Variants in ITPR1 observed in about 807,000 individuals in gnomAD.
The protein encoded by ITPR1 is inositol 1,4,5-trisphosphate-gated calcium channel ITPR1.
In ITPR1, 96 loss-of-function variants were observed where a neutral mutation model predicts 318.4. The ratio of observed to expected loss-of-function variants is 0.30; its 90% CI spans 0.26 to 0.36. The LOEUF is 0.36. Ranked by LOEUF, ITPR1 falls within the 10% of genes least tolerant of loss-of-function variation. The pLI, the probability that ITPR1 is intolerant of heterozygous loss-of-function variation, is 1.00. For synonymous variants in ITPR1, 1,312 were observed against 1,289.9 expected, an observed-to-expected ratio of 1.02 and a Z score of -0.37; for missense variants, 2,440 against 3,460.2, an observed-to-expected ratio of 0.71 and a Z score of 7.40.
intron 26 of ITPR1, among the ~76,000 whole-genome samples, chr3:4,682,639 CT>C (rs909646780): frequency 1.4e-4 from 21 of 152,184 alleles, no homozygotes; most frequent in African/African-American, 4.8e-4. Context: ...GTTCCATGTG[CT>C]GTGTGATCAC....
intron 13 of ITPR1, among the ~76,000 whole-genome samples, chr3:4,659,499 C>T (rs2093786628): frequency 6.6e-6 from 1 of 151,984 alleles, no homozygotes; most frequent in African/African-American, 2.4e-5. Flanking sequence ...AGCTGGACAA[C>T]ATGACAAAAC....
chr3:4,742,396 G>C (rs2043771882), intron 44 of ITPR1, among the ~76,000 whole-genome samples: 1 of 152,182 alleles, frequency 6.6e-6, no homozygotes, highest in Non-Finnish European at 1.5e-5. Context: ...TGATTCTGTG[G>C]TGTGGGTACA....
chr3:4,666,892 T>A (rs1391049366), intron 17 of ITPR1, among the ~76,000 whole-genome samples: 1 of 152,204 alleles, frequency 6.6e-6, no homozygotes, highest in African/African-American at 2.4e-5. Context: ...CTGACCTTCT[T>A]ATGCTACTCA....
chr3:4,725,450 C>A (rs1027705243), intron 40 of ITPR1, 96 bp from the exon 41 acceptor site: 13 of 1,011,928 alleles, frequency 1.3e-5, no homozygotes, highest in Non-Finnish European at 1.8e-5. Context: ...GATCCTTCCT[C>A]CTGTGTTTTG....
intron 44 of ITPR1, among the ~76,000 whole-genome samples, chr3:4,747,850 G>A (rs1226943298): frequency 1.3e-5 from 2 of 152,166 alleles, no homozygotes; most frequent in South Asian, 2.1e-4. Context: ...GATTAATAGC[G>A]ATTTTTGTTT....
chr3:4,552,846 T>A (rs371591324), intron 4 of ITPR1, among the ~76,000 whole-genome samples: 1 of 152,178 alleles, frequency 6.6e-6, no homozygotes. Flanking sequence ...CTCATTAGCA[T>A]GCAAAAGACA....
At chr3:4,683,871 G>A (rs17710726) in intron 28 of ITPR1, 73 bp downstream of exon 28, 1 of 1,343,628 alleles carries the variant, frequency 7.4e-7, no homozygotes, top group Non-Finnish European at 1.0e-6. Flanking sequence ...TCCTCTTCTG[G>A]TTTTAGGTAT....
chr3:4,831,466 G>C (rs1489893047), intron 60 of ITPR1: 1 of 165,842 alleles, frequency 6.0e-6, no homozygotes, highest in Non-Finnish European at 1.3e-5. Context: ...CAAGGAGTGA[G>C]TGAAGCAAAG....
intron 11 of ITPR1, among the ~76,000 whole-genome samples, chr3:4,652,939 G>T (rs2093628788): frequency 6.6e-6 from 1 of 152,160 alleles, no homozygotes; most frequent in South Asian, 2.1e-4. Context: ...AGTGACCCGA[G>T]ATCGCACCAC....
intron 4 of ITPR1, among the ~76,000 whole-genome samples, chr3:4,552,326 C>A (rs1047381556): frequency 3.3e-5 from 5 of 152,216 alleles, no homozygotes; most frequent in Non-Finnish European, 7.3e-5. Context: ...ACCTGACACA[C>A]CAGTCTGGGC....
At chr3:4,738,689 A>C (rs1488752025) in intron 44 of ITPR1, among the ~76,000 whole-genome samples, 1 of 152,216 alleles carries the variant, frequency 6.6e-6, no homozygotes, top group African/African-American at 2.4e-5. Context: ...AGGCACACAG[A>C]AGCTGTTTTT....
intron 60 of ITPR1, among the ~76,000 whole-genome samples, chr3:4,834,433 T>G (rs1353068583): frequency 6.6e-6 from 1 of 152,176 alleles, no homozygotes; most frequent in Non-Finnish European, 1.5e-5. Flanking sequence ...CAAAAATAGG[T>G]AGCAGCCACC....
chr3:4,651,150 A>C (rs1337656737), intron 10 of ITPR1, among the ~76,000 whole-genome samples: 1 of 152,160 alleles, frequency 6.6e-6, no homozygotes, highest in Non-Finnish European at 1.5e-5. Flanking sequence ...GACTCCTCCC[A>C]GCCCTGTGTG....
chr3:4,642,343 G>T (rs2125153303), intron 7 of ITPR1, 92 bp downstream of exon 7: 1 of 1,002,196 alleles, frequency 1.0e-6, no homozygotes, highest in African/African-American at 1.7e-5. Context: ...TTGAAAGTTG[G>T]AACCAGAGGC....
chr3:4,667,656 T>C, intron 18 of ITPR1, 107 bp downstream of exon 18: 1 of 1,128,788 alleles, frequency 8.9e-7, no homozygotes, highest in Non-Finnish European at 1.2e-6. Context: ...TGACAAGTTT[T>C]GATTAGTTAG....
intron 52 of ITPR1, among the ~76,000 whole-genome samples, chr3:4,793,554 T>C (rs187942851): frequency 6.6e-6 from 1 of 152,242 alleles, no homozygotes; most frequent in Admixed American, 6.5e-5. Context: ...ATAGCTGTTG[T>C]TTCTAGAGCA....
At chr3:4,548,338 A>G (rs1260808949) in intron 4 of ITPR1, among the ~76,000 whole-genome samples, 1 of 152,202 alleles carries the variant, frequency 6.6e-6, no homozygotes, top group Non-Finnish European at 1.5e-5. Flanking sequence ...ATTTTCTAGC[A>G]ACATCATTCA....
chr3:4,497,207 A>G (rs1294525525), intron 2 of ITPR1, among the ~76,000 whole-genome samples: 4 of 152,240 alleles, frequency 2.6e-5, no homozygotes, highest in Non-Finnish European at 5.9e-5. Flanking sequence ...GATGATTGCT[A>G]ATGAGAATAA....
intron 10 of ITPR1, among the ~76,000 whole-genome samples, chr3:4,646,820 A>G (rs1211204905): frequency 6.6e-6 from 1 of 152,140 alleles, no homozygotes; most frequent in Non-Finnish European, 1.5e-5. Flanking sequence ...ATGAATTAGA[A>G]TTCTAATTCA....
Sources: gnomAD v4.1 joint callset for allele counts (sites outside exome capture counted in the v4.1 genomes callset) on GRCh38, gnomAD v4.1.1 for gene constraint, MANE v1.5 for transcripts, NCBI Gene and HGNC (gene_info 2026-07-23, HGNC 2026-07-21) for gene names.